The following TNFAIP8 variants were observed in gnomAD, a reference collection of about 807,000 sequenced individuals.
TNFAIP8 encodes the protein TNF alpha induced protein 8.
TNFAIP8 carries 7 observed loss-of-function variants against 13.3 expected under a neutral mutation model. The observed-to-expected ratio is 0.52, with a 90% CI of 0.30 to 0.99. The LOEUF is 0.99. Ranked by LOEUF, TNFAIP8 falls within the 50% of genes least tolerant of loss-of-function variation. The probability of loss-of-function intolerance (pLI) is 0.07; values close to 1 mark genes in which losing one functional copy is unlikely to be tolerated. For synonymous variants in TNFAIP8, 94 were observed against 87.6 expected, an observed-to-expected ratio of 1.07 and a Z score of -0.41; for missense variants, 258 against 236.9, an observed-to-expected ratio of 1.09 and a Z score of -0.58.
intron 1 of TNFAIP8, among the ~76,000 whole-genome samples, chr5:119,289,448 T>C (rs1242208409): frequency 6.6e-6 from 1 of 152,228 alleles, no homozygotes; most frequent in Non-Finnish European, 1.5e-5. Flanking sequence ...TACTTAGCCA[T>C]AACTTCAAGA....
chr5:119,300,091 G>A (rs923818443), intron 1 of TNFAIP8, among the ~76,000 whole-genome samples: 9 of 152,360 alleles, frequency 5.9e-5, no homozygotes, highest in African/African-American at 2.2e-4. Flanking sequence ...CCCTGCTTCG[G>A]CTCGCGCACG....
At chr5:119,269,298 C>G (rs984895804) in intron 1 of TNFAIP8, among the ~76,000 whole-genome samples, 1 of 152,168 alleles carries the variant, frequency 6.6e-6, no homozygotes, top group South Asian at 2.1e-4. Context: ...AAAGCACTGC[C>G]CGGGTTATCA....
upstream of TNFAIP8, chr5:119,354,678 T>G (rs1751314390): frequency 6.6e-6 from 1 of 152,436 alleles, no homozygotes; most frequent in Admixed American, 6.5e-5. Context: ...AATACTATTT[T>G]TATCTTCATT....
intron 1 of TNFAIP8, among the ~76,000 whole-genome samples, chr5:119,278,288 G>GA (rs145844841): frequency 0.011 from 1,711 of 151,448 alleles, 32 homozygotes; most frequent in African/African-American, 0.04. Context: ...TTTGTGGGCG[G>GA]AAATAGCTTT....
At chr5:119,327,167 G>A (rs1750248934) in intron 1 of TNFAIP8, among the ~76,000 whole-genome samples, 1 of 152,170 alleles carries the variant, frequency 6.6e-6, no homozygotes, top group African/African-American at 2.4e-5. Context: ...TCTGTTCCCA[G>A]ACCCCCATTG....
At chr5:119,299,494 G>T (rs909118062) in intron 1 of TNFAIP8, among the ~76,000 whole-genome samples, 1 of 152,190 alleles carries the variant, frequency 6.6e-6, no homozygotes, top group Admixed American at 6.5e-5. Context: ...GTACCCGGCC[G>T]TGTGAGGTGT....
chr5:119,344,298 A>G (rs1226556706), intron 1 of TNFAIP8, among the ~76,000 whole-genome samples: 1 of 152,190 alleles, frequency 6.6e-6, no homozygotes, highest in African/African-American at 2.4e-5. Context: ...AGGAGGTACC[A>G]GGCTCTTTTA....
At position 119,393,901 on chromosome 5, in the gene TNFAIP8, G is replaced by A. The variant is rs1030435320; in HGVS notation, c.*520G>A. 3 of 154,538 alleles carry A rather than the reference G, an allele frequency of 1.9e-5. No individual in the cohort carries two copies. Among genetic ancestry groups the A allele is most frequent in the Non-Finnish European group, 2.9e-5 (2 of 69,600 alleles). The allele number at this position is 154,538 out of a possible 1,614,324, so 9.6% of individuals were successfully genotyped here. A position where few individuals can be genotyped will look rare whatever the true frequency, so the allele number is the denominator to read the frequency against. ...TGAGTCATCGACATTCAGGATTTAA[G>A]TCTGAGGTAGTCAACCCTCAGGAAA... On this transcript the variant is annotated 3_prime_UTR_variant, in exon 2 of 2. Transcript: ENST00000504771.
At chr5:119,327,622 C>G (rs1171446837) in intron 1 of TNFAIP8, among the ~76,000 whole-genome samples, 1 of 152,054 alleles carries the variant, frequency 6.6e-6, no homozygotes, top group Non-Finnish European at 1.5e-5. Flanking sequence ...CCACGCCTGG[C>G]TAATTTTTGT....
At chr5:119,338,324 C>G (rs754540384) in intron 1 of TNFAIP8, among the ~76,000 whole-genome samples, 1 of 152,154 alleles carries the variant, frequency 6.6e-6, no homozygotes, top group East Asian at 1.9e-4. Flanking sequence ...CAGGAAGCCC[C>G]GTCAGGAAGG....
intron 1 of TNFAIP8, among the ~76,000 whole-genome samples, chr5:119,325,890 A>G (rs1032490081): frequency 6.6e-6 from 1 of 152,108 alleles, no homozygotes; most frequent in African/African-American, 2.4e-5. Context: ...CCAGACCATT[A>G]TTCCTGTGGC....
At chr5:119,323,052 G>T (rs377687183) in intron 1 of TNFAIP8, among the ~76,000 whole-genome samples, 6 of 152,224 alleles carry the variant, frequency 3.9e-5, no homozygotes, top group African/African-American at 1.4e-4. Context: ...AGTATAGTCA[G>T]TTCTCCCGTG....
At chr5:119,323,059 C>T (rs913689873) in intron 1 of TNFAIP8, among the ~76,000 whole-genome samples, 1 of 152,292 alleles carries the variant, frequency 6.6e-6, no homozygotes, top group African/African-American at 2.4e-5. Context: ...TCAGTTCTCC[C>T]GTGAATAGCT....
intron 1 of TNFAIP8, among the ~76,000 whole-genome samples, chr5:119,290,578 G>T (rs1232060832): frequency 6.6e-6 from 1 of 152,164 alleles, no homozygotes; most frequent in Non-Finnish European, 1.5e-5. Context: ...GATCTCCATT[G>T]CTGTTGGTGT....
intron 1 of TNFAIP8, among the ~76,000 whole-genome samples, chr5:119,334,006 G>GGACA (rs1187224682): frequency 6.6e-6 from 1 of 152,096 alleles, no homozygotes; most frequent in East Asian, 1.9e-4. Flanking sequence ...ATTAACTGTA[G>GGACA]GACACCTCTG....
rs146287142 is a variant in TNFAIP8, at chr5:119,272,709, T to G, written c.1+3802T>G. On this transcript the variant is annotated intron_variant, in intron 1 of 1. Transcript: ENST00000274456. ...GCCCATCCTTTTAGACAGCAGTTGT[T>G]TTTTCTCTGGAAGCAAGTGTTTATG... 3.9e-5 allele frequency among the ~76,000 whole-genome samples: 6 copies of G among 152,280 alleles called. No individual in the cohort carries two copies. The East Asian group carries it at 1.2e-3, about 29-fold the overall frequency.
chr5:119,314,198 CAAA>C (rs1561996678), intron 1 of TNFAIP8, among the ~76,000 whole-genome samples: 12 of 149,306 alleles, frequency 8.0e-5, no homozygotes, highest in African/African-American at 2.3e-4. Context: ...AACAAACAAA[CAAA>C]CAAAAAAACC....
At chr5:119,331,227 A>T (rs1750367757) in intron 1 of TNFAIP8, among the ~76,000 whole-genome samples, 1 of 149,900 alleles carries the variant, frequency 6.7e-6, no homozygotes, top group South Asian at 2.1e-4. Flanking sequence ...CTACAAAGAG[A>T]TATTAGCTTT....
chr5:119,294,099 G>C (rs10463708), intron 1 of TNFAIP8, among the ~76,000 whole-genome samples: 82,090 of 151,666 alleles, frequency 0.54, 24,192 homozygotes, highest in East Asian at 0.85. Flanking sequence ...ACAGTGTGCA[G>C]GTTAGTTACA....
Sources: gnomAD v4.1 joint callset for allele counts (sites outside exome capture counted in the v4.1 genomes callset) on GRCh38, gnomAD v4.1.1 for gene constraint, MANE v1.5 for transcripts, NCBI Gene and HGNC (gene_info 2026-07-23, HGNC 2026-07-21) for gene names.